Variants in NGLY1 observed in about 807,000 individuals in gnomAD.
NGLY1 encodes N-glycanase 1.
In NGLY1, 68 loss-of-function variants were observed where a neutral mutation model predicts 84.6. The observed-to-expected ratio is 0.80, with a 90% CI of 0.66 to 0.98. The LOEUF (loss-of-function observed/expected upper bound fraction) is 0.98. NGLY1 is among the 50% of genes least tolerant of loss of function. NGLY1 has a pLI of 0.00. For missense variants in NGLY1, 779 were observed against 770.2 expected (o/e 1.01, Z -0.14); for synonymous variants, 280 against 275.2 (o/e 1.02, Z -0.17).
intron 7 of NGLY1, chr3:25,735,537 T>C (rs1054461769): frequency 2.6e-5 from 4 of 153,248 alleles, no homozygotes; most frequent in African/African-American, 9.7e-5. Context: ...TCATACTAAA[T>C]GTTAGCAAGG....
chr3:25,730,680 C>T (rs2125462659), intron 9 of NGLY1: 1 of 152,246 alleles, frequency 6.6e-6, no homozygotes, highest in East Asian at 1.9e-4. Flanking sequence ...ACACTTTTAA[C>T]TGCCCGCTAC....
chr3:25,759,569 C>T (rs1707203534), intron 3 of NGLY1, among the ~76,000 whole-genome samples: 1 of 152,054 alleles, frequency 6.6e-6, no homozygotes. Flanking sequence ...TATTTCTTTA[C>T]ATATTCATTG....
intron 3 of NGLY1, among the ~76,000 whole-genome samples, chr3:25,762,207 T>G (rs1707352690): frequency 6.6e-6 from 1 of 152,120 alleles, no homozygotes; most frequent in African/African-American, 2.4e-5. Context: ...ATACACAGGT[T>G]AAATGCTTTA....
chr3:25,743,041 T>A (rs1444299376), intron 4 of NGLY1, among the ~76,000 whole-genome samples: 5 of 151,574 alleles, frequency 3.3e-5, no homozygotes, highest in African/African-American at 1.2e-4. Flanking sequence ...GAGAAGGCAA[T>A]GTGAAGATGG....
intron 6 of NGLY1, chr3:25,736,438 A>T: frequency 2.7e-6 from 4 of 1,482,160 alleles, no homozygotes; most frequent in Non-Finnish European, 3.7e-6. Context: ...AGCATAAAAA[A>T]TATCATCCTG....
chr3:25,779,067 C>T (rs926964729), intron 1 of NGLY1, among the ~76,000 whole-genome samples: 1 of 150,720 alleles, frequency 6.6e-6, no homozygotes, highest in African/African-American at 2.4e-5. Context: ...TCCCAAGTAG[C>T]TAGGATTACA....
At chr3:25,769,204 C>G (rs1353185347) in intron 2 of NGLY1, among the ~76,000 whole-genome samples, 1 of 151,946 alleles carries the variant, frequency 6.6e-6, no homozygotes, top group Non-Finnish European at 1.5e-5. Context: ...ACTAAAAATA[C>G]AAAAGAATTA....
intron 4 of NGLY1, 151 bp downstream of exon 4, chr3:25,750,947 G>A: frequency 1.4e-6 from 1 of 721,556 alleles, no homozygotes; most frequent in Non-Finnish European, 2.1e-6. Flanking sequence ...TTTGCATCCT[G>A]TGAATCCACG....
At chr3:25,754,282 T>C (rs1398930862) in intron 3 of NGLY1, among the ~76,000 whole-genome samples, 1 of 152,184 alleles carries the variant, frequency 6.6e-6, no homozygotes, top group Non-Finnish European at 1.5e-5. Context: ...TCCTTGAACC[T>C]GAACTTTTTT....
At chr3:25,760,589 G>A (rs958432515) in intron 3 of NGLY1, among the ~76,000 whole-genome samples, 2 of 152,018 alleles carry the variant, frequency 1.3e-5, no homozygotes, top group African/African-American at 2.4e-5. Context: ...GGCCGGGCAC[G>A]GTGGCTCACG....
At chr3:25,763,449 T>G (rs948323717) in intron 3 of NGLY1, among the ~76,000 whole-genome samples, 4 of 152,180 alleles carry the variant, frequency 2.6e-5, no homozygotes, top group Admixed American at 1.3e-4. Flanking sequence ...GCAAAACTGA[T>G]GAAGACCTAA....
chr3:25,732,049 G>A (rs1033391921), intron 9 of NGLY1, among the ~76,000 whole-genome samples: 13 of 152,038 alleles, frequency 8.6e-5, no homozygotes, highest in Non-Finnish European at 1.6e-4. Flanking sequence ...GCATTTTCCT[G>A]TATATTCTTC....
chr3:25,741,923 C>A (rs564784062), intron 4 of NGLY1, among the ~76,000 whole-genome samples: 1 of 152,220 alleles, frequency 6.6e-6, no homozygotes, highest in East Asian at 1.9e-4. Context: ...ATCACTTGAA[C>A]CTGGGAGGCG....
chr3:25,720,867 G>A lies in NGLY1; in HGVS notation c.1612-676C>T, dbSNP rs574345769. Among the ~76,000 whole-genome samples the A allele has an allele frequency of 2.2e-4, 33 of 152,200 alleles. 2 individuals carry two copies. Among genetic ancestry groups the A allele is most frequent in the Admixed American group, 2.0e-3 (31 of 15,290 alleles). On this transcript the variant is annotated intron_variant, in intron 10 of 11. Transcript: ENST00000280700. The stretch of plus-strand genomic sequence containing the variant: ...ACATCCACAGCCTTGGTCTTTCACA[G>A]GTCACTCTATTCAACCATGCTCAAA...
At chr3:25,721,939 C>T (rs191522757) in intron 10 of NGLY1, among the ~76,000 whole-genome samples, 57 of 149,896 alleles carry the variant, frequency 3.8e-4, no homozygotes, top group African/African-American at 1.0e-3. Flanking sequence ...CATTTAGTGC[C>T]GGGCACAGTC....
chr3:25,726,228 G>A (rs542710799), intron 10 of NGLY1, among the ~76,000 whole-genome samples: 1 of 152,258 alleles, frequency 6.6e-6, no homozygotes, highest in East Asian at 1.9e-4. Flanking sequence ...TTTATGCCAC[G>A]TACATTTTTA....
intron 10 of NGLY1, among the ~76,000 whole-genome samples, chr3:25,724,894 C>T (rs1705176307): frequency 6.6e-6 from 1 of 152,182 alleles, no homozygotes; most frequent in Non-Finnish European, 1.5e-5. Flanking sequence ...TCCAGATTTT[C>T]ATTCATGGTT....
At chr3:25,784,754 G>A (rs1708565330), upstream of NGLY1, among the ~76,000 whole-genome samples, 1 of 152,098 alleles carries the variant, frequency 6.6e-6, no homozygotes, top group African/African-American at 2.4e-5. Flanking sequence ...ATATACGTAC[G>A]CTTTTAATAA....
chr3:25,750,247 C>T (rs546548304), intron 4 of NGLY1, among the ~76,000 whole-genome samples: 12 of 152,224 alleles, frequency 7.9e-5, no homozygotes, highest in African/African-American at 2.9e-4. Flanking sequence ...AAACCACCAC[C>T]GTGATTCAAT....
Sources: allele counts gnomAD v4.1 joint callset (sites outside exome capture counted in the v4.1 genomes callset), GRCh38; gene constraint gnomAD v4.1.1; transcripts MANE v1.5; gene names NCBI Gene and HGNC (gene_info 2026-07-23, HGNC 2026-07-21).